Variants in PPTC7 observed in about 807,000 individuals in gnomAD.
The protein encoded by PPTC7 is protein phosphatase PTC7 homolog.
A neutral mutation model predicts 30.8 loss-of-function variants in PPTC7; 6 were observed. That is an observed-to-expected ratio of 0.19 (90% CI 0.11 to 0.38). The LOEUF is 0.38. Ranked by LOEUF, PPTC7 falls within the 10% of genes least tolerant of loss-of-function variation. The pLI, the probability that PPTC7 is intolerant of heterozygous loss-of-function variation, is 1.00. For missense variants in PPTC7, 218 were observed against 404.8 expected (o/e 0.54, Z 3.96); for synonymous variants, 163 against 168.1 (o/e 0.97, Z 0.23).
rs1481946698 is a variant in PPTC7, at chr12:110,534,548, C to T, written c.*2489G>A. 2.0e-5 allele frequency: 3 copies of T among 152,102 alleles called. No homozygotes were observed. Among genetic ancestry groups the T allele is most frequent in the African/African-American group, 7.2e-5 (3 of 41,404 alleles). The allele number at this position is 152,102 out of a possible 1,614,324, so 9.4% of individuals were successfully genotyped here. ...ACTATGGGTCCAACACAGCCTCTGA[C>T]CACTGAGAGTAGGAGAGATACTTGT... On this transcript the variant is annotated 3_prime_UTR_variant, in exon 6 of 6. Coordinates refer to ENST00000354300, the MANE Select transcript of PPTC7 (RefSeq NM_139283.2).
intron 1 of PPTC7, among the ~76,000 whole-genome samples, chr12:110,554,553 G>T (rs1181810719): frequency 6.6e-6 from 1 of 152,138 alleles, no homozygotes; most frequent in East Asian, 1.9e-4. Flanking sequence ...ATTTCTACTG[G>T]ATAGTACTAG....
In PPTC7 at chr12:110,583,123, C is replaced by T. The variant is rs2064654821; in HGVS notation, c.-92G>A. ...GGCTCTCTCCTCAGCCGCAGTCGCG[C>T]CGCCGCTGGGGCGCTCCTCAGGGCG... On this transcript the variant is annotated 5_prime_UTR_variant, in exon 1 of 6. Coordinates refer to ENST00000354300, the MANE Select transcript of PPTC7 (RefSeq NM_139283.2). 1 of 1,057,308 alleles carries T rather than the reference C, an allele frequency of 9.5e-7. No homozygotes were observed. Among genetic ancestry groups the T allele is most frequent in the Non-Finnish European group, 1.2e-6 (1 of 821,708 alleles). 65.5% of individuals were successfully genotyped at this position (1,057,308 alleles called of 1,614,324 possible). A position where few individuals can be genotyped will look rare whatever the true frequency, so the allele number is the denominator to read the frequency against.
At chr12:110,563,016 G>A (rs2064451131) in intron 1 of PPTC7, among the ~76,000 whole-genome samples, 1 of 150,024 alleles carries the variant, frequency 6.7e-6, no homozygotes, top group Non-Finnish European at 1.5e-5. Flanking sequence ...CAGCTACTTG[G>A]GAGGCTGAGA....
intron 1 of PPTC7, among the ~76,000 whole-genome samples, chr12:110,570,964 C>T (rs1306349325): frequency 3.3e-5 from 5 of 152,278 alleles, no homozygotes; most frequent in East Asian, 1.9e-4. Context: ...TCCCACCTTA[C>T]GAGAAACACC....
intron 1 of PPTC7, among the ~76,000 whole-genome samples, chr12:110,557,632 GAAT>G (rs1344364941): frequency 1.8e-4 from 28 of 152,178 alleles, no homozygotes; most frequent in African/African-American, 6.5e-4. Flanking sequence ...TAATAAAACA[GAAT>G]AATTATAACA....
At chr12:110,566,039 T>C (rs895027827) in intron 1 of PPTC7, among the ~76,000 whole-genome samples, 1 of 152,164 alleles carries the variant, frequency 6.6e-6, no homozygotes, top group Non-Finnish European at 1.5e-5. Context: ...GTACAAGTCA[T>C]AGCAGGTGAG....
At chr12:110,575,603 A>G (rs886208897) in intron 1 of PPTC7, among the ~76,000 whole-genome samples, 1 of 54,570 alleles carries the variant, frequency 1.8e-5, no homozygotes, top group African/African-American at 7.0e-5. Flanking sequence ...CAGCAACCCC[A>G]CCTCAAAAAA....
intron 1 of PPTC7, among the ~76,000 whole-genome samples, chr12:110,559,807 A>G (rs2064423286): frequency 6.6e-6 from 1 of 151,674 alleles, no homozygotes; most frequent in African/African-American, 2.4e-5. Flanking sequence ...GTAATAGCTC[A>G]CTGCGGCCTC....
intron 1 of PPTC7, among the ~76,000 whole-genome samples, chr12:110,558,864 C>T (rs1002183993): frequency 6.6e-6 from 1 of 152,208 alleles, no homozygotes; most frequent in African/African-American, 2.4e-5. Flanking sequence ...CCTCGGCCTC[C>T]CAAAGTGCTG....
intron 1 of PPTC7, among the ~76,000 whole-genome samples, chr12:110,573,368 C>T (rs911946178): frequency 1.1e-4 from 16 of 152,124 alleles, no homozygotes; most frequent in Non-Finnish European, 2.1e-4. Context: ...AACTGATGGG[C>T]TATACATGCA....
chr12:110,548,387 TG>T (rs1486052717), intron 2 of PPTC7, among the ~76,000 whole-genome samples: 1 of 152,238 alleles, frequency 6.6e-6, no homozygotes, highest in African/African-American at 2.4e-5. Context: ...TCCATTTCCT[TG>T]TTATCTACAG....
intron 1 of PPTC7, among the ~76,000 whole-genome samples, chr12:110,552,776 T>A (rs552772540): frequency 1.0e-4 from 15 of 150,474 alleles, no homozygotes; most frequent in African/African-American, 3.4e-4. Context: ...AGGGAGGAGA[T>A]TGGTGTGAAC....
At chr12:110,574,882 G>A (rs1217008626) in intron 1 of PPTC7, among the ~76,000 whole-genome samples, 3 of 151,120 alleles carry the variant, frequency 2.0e-5, no homozygotes, top group African/African-American at 7.3e-5. Flanking sequence ...AGGTTCAAGC[G>A]ATTCTCATGT....
intron 1 of PPTC7, among the ~76,000 whole-genome samples, chr12:110,581,906 T>G (rs1016166126): frequency 1.3e-5 from 2 of 152,350 alleles, no homozygotes; most frequent in Admixed American, 1.3e-4. Context: ...AGCGCATTGC[T>G]TTATTCATTC....
chr12:110,567,088 C>CCAGTGCCTTAT (rs1398854318), intron 1 of PPTC7, among the ~76,000 whole-genome samples: 3 of 152,190 alleles, frequency 2.0e-5, no homozygotes, highest in Non-Finnish European at 4.4e-5. Context: ...TACAATAATA[C>CCAGTGCCTTAT]CAGTGCCTTT....
chr12:110,579,769 T>C (rs867686209), intron 1 of PPTC7, among the ~76,000 whole-genome samples: 4 of 152,184 alleles, frequency 2.6e-5, no homozygotes, highest in South Asian at 4.1e-4. Flanking sequence ...TCCCAGCAGT[T>C]TGGGAGGCCG....
intron 2 of PPTC7, among the ~76,000 whole-genome samples, chr12:110,550,094 AAGTT>A (rs1314766822): frequency 1.3e-5 from 2 of 152,310 alleles, no homozygotes; most frequent in Admixed American, 6.5e-5. Context: ...GAAGGAAAAC[AAGTT>A]AGTTAATCAC....
intron 1 of PPTC7, among the ~76,000 whole-genome samples, chr12:110,569,942 C>T (rs910057745): frequency 1.3e-5 from 2 of 152,156 alleles, no homozygotes; most frequent in African/African-American, 2.4e-5. Flanking sequence ...AACCACTTTT[C>T]AATCTGAAAT....
chr12:110,551,438 CG>C (rs1281628579), intron 2 of PPTC7, among the ~76,000 whole-genome samples: 8 of 152,302 alleles, frequency 5.3e-5, no homozygotes, highest in African/African-American at 1.9e-4. Context: ...ATCCACCTCC[CG>C]GGGTTCAAGT....
Sources: gnomAD v4.1 joint callset for allele counts (sites outside exome capture counted in the v4.1 genomes callset) on GRCh38, gnomAD v4.1.1 for gene constraint, MANE v1.5 for transcripts, NCBI Gene and HGNC (gene_info 2026-07-23, HGNC 2026-07-21) for gene names.